Variants in KCNIP4 observed in about 807,000 individuals in gnomAD.
KCNIP4 encodes the protein potassium voltage-gated channel interacting protein 4, also known as Kv channel-interacting protein 4.
In KCNIP4, 12 loss-of-function variants were observed where a neutral mutation model predicts 34.0. The observed-to-expected ratio is 0.35, with a 90% CI of 0.23 to 0.57. The LOEUF (loss-of-function observed/expected upper bound fraction) is 0.57. Ranked by LOEUF, KCNIP4 falls within the 20% of genes least tolerant of loss-of-function variation. The pLI is 0.83. For missense variants in KCNIP4, 238 were observed against 311.7 expected, an observed-to-expected ratio of 0.76 and a Z score of 1.78; for synonymous variants, 124 against 102.2, an observed-to-expected ratio of 1.21 and a Z score of -1.29.
chr4:21,862,876 G>T (rs1725165172), intron 1 of KCNIP4, among the ~76,000 whole-genome samples: 1 of 151,870 alleles, frequency 6.6e-6, no homozygotes, highest in Admixed American at 6.6e-5. Context: ...CAGGAGAATG[G>T]CGTGAACCCG....
At chr4:21,377,218 A>G (rs565949164) in intron 1 of KCNIP4, among the ~76,000 whole-genome samples, 6 of 152,332 alleles carry the variant, frequency 3.9e-5, no homozygotes, top group African/African-American at 1.2e-4. Context: ...CAGGAGAAGC[A>G]AAGTGCTATG....
intron 1 of KCNIP4, among the ~76,000 whole-genome samples, chr4:20,928,549 T>C (rs1362219725): frequency 6.6e-6 from 1 of 151,616 alleles, no homozygotes; most frequent in African/African-American, 2.4e-5. Context: ...CCTAACATTA[T>C]GCCTCAAGAA....
At chr4:21,677,263 C>T (rs959230753) in intron 1 of KCNIP4, among the ~76,000 whole-genome samples, 1 of 152,146 alleles carries the variant, frequency 6.6e-6, no homozygotes, top group Admixed American at 6.6e-5. Context: ...GGCATCTGGC[C>T]TGATTCACTT....
At chr4:21,186,991 C>A (rs1050502051) in intron 1 of KCNIP4, among the ~76,000 whole-genome samples, 4 of 152,100 alleles carry the variant, frequency 2.6e-5, no homozygotes, top group Non-Finnish European at 5.9e-5. Flanking sequence ...AAAATAGTCA[C>A]CAAATATCCT....
intron 1 of KCNIP4, among the ~76,000 whole-genome samples, chr4:21,389,249 G>A (rs35627259): frequency 0.024 from 3,691 of 152,030 alleles, 191 homozygotes; most frequent in East Asian, 0.19. Flanking sequence ...CCAAAGTGCC[G>A]GGATTACAAG....
chr4:21,939,544 A>G (rs1026785412), intron 1 of KCNIP4, among the ~76,000 whole-genome samples: 3 of 151,932 alleles, frequency 2.0e-5, no homozygotes, highest in Non-Finnish European at 4.4e-5. Context: ...CTGCACTCTC[A>G]TTGTTTTATA....
At position 21,799,950 on chromosome 4, in the gene KCNIP4, G is replaced by A. The variant is rs899604520; in HGVS notation, c.61+148621C>T. ...TGAGTAGTTGTGACCGTGACTATAC[G>A]ACTGCAAAGTTTAAAATTTCTACCA... On this transcript the variant is annotated intron_variant, in intron 1 of 8. Transcript: ENST00000382152. 7.9e-5 allele frequency among the ~76,000 whole-genome samples: 12 copies of A among 151,996 alleles called. No individual in the cohort carries two copies. In the South Asian group the frequency reaches 1.0e-3, roughly 13 times the overall value.
chr4:20,750,580 T>C (rs1753432406), intron 4 of KCNIP4, among the ~76,000 whole-genome samples: 1 of 152,182 alleles, frequency 6.6e-6, no homozygotes, highest in South Asian at 2.1e-4. Context: ...TTTCCTTCCT[T>C]CCTTTCCTGT....
chr4:21,400,560 CTTCT>C, intron 1 of KCNIP4, among the ~76,000 whole-genome samples: 1 of 61,556 alleles, frequency 1.6e-5, no homozygotes, highest in Non-Finnish European at 4.0e-5. Flanking sequence ...CTTCTCTTCT[CTTCT>C]CTTCTCTTCT....
At chr4:20,866,080 TAAG>T (rs779505951) in intron 2 of KCNIP4, among the ~76,000 whole-genome samples, 1 of 151,964 alleles carries the variant, frequency 6.6e-6, no homozygotes, top group Non-Finnish European at 1.5e-5. Flanking sequence ...CCAGACATAC[TAAG>T]AAGAACTGAT....
At chr4:20,913,527 TTTATG>T (rs1221732567) in intron 1 of KCNIP4, among the ~76,000 whole-genome samples, 4 of 152,180 alleles carry the variant, frequency 2.6e-5, no homozygotes, top group Admixed American at 1.3e-4. Flanking sequence ...AATAGTAAAA[TTTATG>T]TTATGTGAAT....
intron 1 of KCNIP4, among the ~76,000 whole-genome samples, chr4:21,386,872 T>G (rs910649233): frequency 2.6e-5 from 4 of 152,126 alleles, no homozygotes; most frequent in African/African-American, 9.7e-5. Flanking sequence ...TTCAAGGAAA[T>G]AAGTCCACAA....
At chr4:21,847,020 A>T (rs1724061091) in intron 1 of KCNIP4, 2 of 152,062 alleles carry the variant, frequency 1.3e-5, no homozygotes, top group Non-Finnish European at 2.9e-5. Context: ...ACAGATAAGC[A>T]CCGTTATTCA....
chr4:20,954,021 G>A lies in KCNIP4; in HGVS notation c.62-71312C>T, dbSNP rs189555325. On this transcript the variant is annotated intron_variant, in intron 1 of 8. Coordinates refer to ENST00000382152, the MANE Select transcript of KCNIP4 (RefSeq NM_025221.6). The stretch of plus-strand genomic sequence containing the variant: ...GCAGGATTTTTTTTATAAAGGCATC[G>A]TGCAAGAATCACAAATTAACATCCC... 5.7e-3 allele frequency among the ~76,000 whole-genome samples: 871 copies of A among 152,262 alleles called. 6 individuals carry two copies. The highest frequency in any genetic ancestry group is 9.0e-3 in the Non-Finnish European group (612 of 68,020).
chr4:21,309,621 C>T (rs891852635), intron 1 of KCNIP4, among the ~76,000 whole-genome samples: 5 of 152,164 alleles, frequency 3.3e-5, no homozygotes, highest in Non-Finnish European at 5.9e-5. Context: ...GATTATTTCA[C>T]TGTATCCTCT....
At chr4:21,769,983 G>A (rs1318321993) in intron 1 of KCNIP4, among the ~76,000 whole-genome samples, 2 of 150,224 alleles carry the variant, frequency 1.3e-5, no homozygotes, top group Non-Finnish European at 2.9e-5. Context: ...ATACCAGAAG[G>A]TTGTCTTTTT....
chr4:20,817,948 T>C (rs932489169), intron 3 of KCNIP4, among the ~76,000 whole-genome samples: 2 of 152,226 alleles, frequency 1.3e-5, no homozygotes, highest in Non-Finnish European at 2.9e-5. Context: ...ATACCAATAA[T>C]CTGAATTGTG....
At chr4:21,791,776 C>T (rs989394565) in intron 1 of KCNIP4, among the ~76,000 whole-genome samples, 2 of 151,848 alleles carry the variant, frequency 1.3e-5, no homozygotes, top group African/African-American at 2.4e-5. Context: ...CCGAGGTGGG[C>T]GGATCACCTG....
chr4:20,785,882 C>T (rs1357127301), intron 3 of KCNIP4, among the ~76,000 whole-genome samples: 1 of 151,702 alleles, frequency 6.6e-6, no homozygotes, highest in East Asian at 1.9e-4. Flanking sequence ...CTGTGGAGAG[C>T]AACATGGAGA....
Sources: allele counts gnomAD v4.1 joint callset (sites outside exome capture counted in the v4.1 genomes callset), GRCh38; gene constraint gnomAD v4.1.1; transcripts MANE v1.5; gene names NCBI Gene and HGNC (gene_info 2026-07-23, HGNC 2026-07-21).